CTNNA3: variants seen among roughly 807,000 people sequenced by gnomAD.
The protein encoded by CTNNA3 is catenin alpha-3.
Under a neutral mutation model 95.7 loss-of-function variants are expected in CTNNA3, and 76 were observed. The ratio of observed to expected loss-of-function variants is 0.79; its 90% CI spans 0.66 to 0.96. The LOEUF (loss-of-function observed/expected upper bound fraction) is 0.96, where lower values mean the gene tolerates loss of function less well. Ranked by LOEUF, CTNNA3 falls within the 40% of genes least tolerant of loss-of-function variation. The pLI is 0.00. For missense variants in CTNNA3, 1,191 were observed against 1,089.8 expected (o/e 1.09, Z -1.31); for synonymous variants, 431 against 374.4 (o/e 1.15, Z -1.74).
chr10:67,533,770 A>T (rs1840408277), intron 4 of CTNNA3, among the ~76,000 whole-genome samples: 1 of 152,180 alleles, frequency 6.6e-6, no homozygotes, highest in Non-Finnish European at 1.5e-5. Flanking sequence ...CTCCTGGGGC[A>T]GTCTCAGTGG....
intron 7 of CTNNA3, among the ~76,000 whole-genome samples, chr10:66,792,895 G>A (rs1478602230): frequency 6.6e-6 from 1 of 152,088 alleles, no homozygotes; most frequent in Non-Finnish European, 1.5e-5. Flanking sequence ...AGTTTACAGA[G>A]ATGTTGAAGT....
chr10:66,723,771 G>T (rs1430005085), intron 9 of CTNNA3, among the ~76,000 whole-genome samples: 2 of 152,124 alleles, frequency 1.3e-5, no homozygotes, highest in Non-Finnish European at 1.5e-5. Flanking sequence ...AGGCAAAAGT[G>T]CTGTAATGAG....
intron 11 of CTNNA3, among the ~76,000 whole-genome samples, chr10:66,426,099 A>T (rs1462471269): frequency 6.6e-6 from 1 of 152,016 alleles, no homozygotes; most frequent in East Asian, 1.9e-4. Context: ...CCACTGTGTA[A>T]ATGCAAGGCA....
At chr10:67,654,854 G>A (rs1839976955) in intron 1 of CTNNA3, among the ~76,000 whole-genome samples, 1 of 152,046 alleles carries the variant, frequency 6.6e-6, no homozygotes, top group South Asian at 2.1e-4. Flanking sequence ...ATGCAAGAGT[G>A]TGCATTCACT....
chr10:67,339,542 C>G (rs955147932), intron 5 of CTNNA3, among the ~76,000 whole-genome samples: 1 of 152,090 alleles, frequency 6.6e-6, no homozygotes, highest in South Asian at 2.1e-4. Flanking sequence ...CTCCGGTATT[C>G]CATAAAATAT....
At chr10:67,734,899 G>A (rs1251314545) in intron 1 of CTNNA3, among the ~76,000 whole-genome samples, 4 of 151,864 alleles carry the variant, frequency 2.6e-5, no homozygotes, top group African/African-American at 4.8e-5. Context: ...TACATACATG[G>A]ACATTAAAAT....
At chr10:66,151,172 A>G (rs1393687454) in intron 13 of CTNNA3, among the ~76,000 whole-genome samples, 1 of 152,008 alleles carries the variant, frequency 6.6e-6, no homozygotes, top group Non-Finnish European at 1.5e-5. Flanking sequence ...ACAAGAAAAG[A>G]CTTAATTGTA....
At chr10:66,403,654 C>T (rs1285477010) in intron 11 of CTNNA3, among the ~76,000 whole-genome samples, 1 of 152,100 alleles carries the variant, frequency 6.6e-6, no homozygotes, top group East Asian at 1.9e-4. Flanking sequence ...CATATCACCT[C>T]GTTTTACTGC....
At chr10:66,185,062 T>C (rs1343130192) in intron 13 of CTNNA3, among the ~76,000 whole-genome samples, 1 of 152,228 alleles carries the variant, frequency 6.6e-6, no homozygotes, top group Non-Finnish European at 1.5e-5. Flanking sequence ...TGCATAGCAC[T>C]CACCACTAGC....
At chr10:66,378,849 T>C (rs1228295846) in intron 12 of CTNNA3, among the ~76,000 whole-genome samples, 2 of 152,180 alleles carry the variant, frequency 1.3e-5, no homozygotes, top group Non-Finnish European at 2.9e-5. Context: ...CTTGATACCA[T>C]ATCAGCCTAA....
intron 17 of CTNNA3, among the ~76,000 whole-genome samples, chr10:65,965,125 G>A (rs2077929473): frequency 6.6e-6 from 1 of 152,066 alleles, no homozygotes; most frequent in Non-Finnish European, 1.5e-5. Context: ...TAAAAAGCTA[G>A]AATGCAATAC....
At chr10:67,193,227 TG>T (rs763657123) in intron 6 of CTNNA3, among the ~76,000 whole-genome samples, 6 of 152,004 alleles carry the variant, frequency 3.9e-5, no homozygotes, top group Admixed American at 1.3e-4. Context: ...TTAATATGAT[TG>T]GGGTAATCAT....
At chr10:67,049,024 T>C (rs897648115) in intron 7 of CTNNA3, among the ~76,000 whole-genome samples, 9 of 62,140 alleles carry the variant, frequency 1.4e-4, no homozygotes, top group African/African-American at 6.2e-4. Context: ...TTTATGATGA[T>C]AACTGGTTTT....
intron 6 of CTNNA3, among the ~76,000 whole-genome samples, chr10:67,182,254 T>C (rs377594568): frequency 2.0e-5 from 3 of 151,982 alleles, no homozygotes; most frequent in East Asian, 1.9e-4. Context: ...GCCAAAAGAA[T>C]AAAGCTGGAG....
intron 7 of CTNNA3, among the ~76,000 whole-genome samples, chr10:66,904,963 C>T (rs1445570987): frequency 6.6e-6 from 1 of 152,152 alleles, no homozygotes; most frequent in African/African-American, 2.4e-5. Flanking sequence ...GACAGTGTGG[C>T]AATTCCTCAA....
At chr10:67,179,850 A>C (rs966080579) in intron 7 of CTNNA3, among the ~76,000 whole-genome samples, 5 of 152,070 alleles carry the variant, frequency 3.3e-5, no homozygotes, top group African/African-American at 1.2e-4. Flanking sequence ...ACAACAACAA[A>C]AAAACATAAC....
chr10:67,439,630 T>C (rs1846425998), intron 5 of CTNNA3, among the ~76,000 whole-genome samples: 1 of 152,056 alleles, frequency 6.6e-6, no homozygotes, highest in South Asian at 2.1e-4. Flanking sequence ...AGGATTACAA[T>C]TAAACATGAC....
intron 5 of CTNNA3, among the ~76,000 whole-genome samples, chr10:67,510,707 G>T (rs540097124): frequency 2.0e-5 from 3 of 152,286 alleles, no homozygotes; most frequent in Non-Finnish European, 4.4e-5. Context: ...GAAATGTAAA[G>T]TAGTTTTTTC....
At chr10:66,676,134 C>A (rs1564611790) in intron 9 of CTNNA3, among the ~76,000 whole-genome samples, 1 of 151,050 alleles carries the variant, frequency 6.6e-6, no homozygotes, top group Non-Finnish European at 1.5e-5. Flanking sequence ...CACACAACTG[C>A]AATTTATCTT....
Sources: gnomAD v4.1 joint callset for allele counts (sites outside exome capture counted in the v4.1 genomes callset) on GRCh38, gnomAD v4.1.1 for gene constraint, MANE v1.5 for transcripts, NCBI Gene and HGNC (gene_info 2026-07-23, HGNC 2026-07-21) for gene names.